The following SLC8A1 variants were observed in gnomAD, a reference collection of about 807,000 sequenced individuals.
SLC8A1 encodes sodium/calcium exchanger 1.
In SLC8A1, 18 loss-of-function variants were observed where a neutral mutation model predicts 68.3. The ratio of observed to expected loss-of-function variants is 0.26; its 90% CI spans 0.18 to 0.39. The LOEUF is 0.39. Ranked by LOEUF, SLC8A1 falls within the 10% of genes least tolerant of loss-of-function variation. The pLI, the probability that SLC8A1 is intolerant of heterozygous loss-of-function variation, is 1.00. For missense variants in SLC8A1, 985 were observed against 1,156.7 expected (o/e 0.85, Z 2.15); for synonymous variants, 475 against 415.5 (o/e 1.14, Z -1.74).
intron 2 of SLC8A1, among the ~76,000 whole-genome samples, chr2:40,371,152 C>T (rs191397054): frequency 1.3e-5 from 2 of 152,154 alleles, no homozygotes; most frequent in East Asian, 3.9e-4. Flanking sequence ...CCTGGCCCAG[C>T]CCCTGGAATG....
chr2:40,393,196 C>T (rs1685866432), intron 2 of SLC8A1, among the ~76,000 whole-genome samples: 1 of 150,544 alleles, frequency 6.6e-6, no homozygotes, highest in African/African-American at 2.5e-5. Flanking sequence ...TTAGCATCAC[C>T]TCTATTTTTT....
At chr2:40,470,538 T>G (rs1020942821) in intron 1 of SLC8A1, among the ~76,000 whole-genome samples, 1 of 151,974 alleles carries the variant, frequency 6.6e-6, no homozygotes, top group Non-Finnish European at 1.5e-5. Flanking sequence ...GAAGTATTGA[T>G]TAATATAGAC....
intron 7 of SLC8A1, among the ~76,000 whole-genome samples, chr2:40,122,637 G>T (rs564965445): frequency 6.6e-6 from 1 of 152,102 alleles, no homozygotes; most frequent in African/African-American, 2.4e-5. Context: ...TGTGGCTGGA[G>T]CATTGGTATT....
At chr2:40,122,471 G>A (rs1408203289) in intron 7 of SLC8A1, among the ~76,000 whole-genome samples, 2 of 152,148 alleles carry the variant, frequency 1.3e-5, no homozygotes, top group Non-Finnish European at 2.9e-5. Flanking sequence ...AGGAAGCAGC[G>A]ATAAGTAAAA....
At chr2:40,366,181 A>G (rs1216768006) in intron 2 of SLC8A1, among the ~76,000 whole-genome samples, 1 of 152,026 alleles carries the variant, frequency 6.6e-6, no homozygotes, top group Non-Finnish European at 1.5e-5. Flanking sequence ...GGCACTGTCA[A>G]ATGGGCTAAT....
intron 2 of SLC8A1, among the ~76,000 whole-genome samples, chr2:40,333,224 G>A (rs558839113): frequency 1.8e-4 from 27 of 152,210 alleles, no homozygotes; most frequent in African/African-American, 6.5e-4. Context: ...GGATCACGAC[G>A]TCAGGAGATC....
At chr2:40,272,464 C>T (rs1203458939) in intron 2 of SLC8A1, among the ~76,000 whole-genome samples, 1 of 152,168 alleles carries the variant, frequency 6.6e-6, no homozygotes, top group East Asian at 1.9e-4. Context: ...GATGAAAGCC[C>T]CTTAGAGTAA....
intron 1 of SLC8A1, among the ~76,000 whole-genome samples, chr2:40,436,177 T>TC (rs1484461667): frequency 6.6e-6 from 1 of 152,124 alleles, no homozygotes; most frequent in Non-Finnish European, 1.5e-5. Flanking sequence ...TTCATTTCTT[T>TC]TTTTTCATTG....
At chr2:40,244,544 G>A (rs1392350569) in intron 2 of SLC8A1, among the ~76,000 whole-genome samples, 1 of 136,954 alleles carries the variant, frequency 7.3e-6, no homozygotes, top group African/African-American at 2.8e-5. Flanking sequence ...GTAGGCAAGT[G>A]GTGTGCATGA....
intron 2 of SLC8A1, among the ~76,000 whole-genome samples, chr2:40,235,495 T>C (rs2060244056): frequency 6.6e-6 from 1 of 152,176 alleles, no homozygotes; most frequent in African/African-American, 2.4e-5. Context: ...TCTCTTTTTT[T>C]CTTTATTAGT....
chr2:40,261,183 G>A (rs753471001), intron 2 of SLC8A1, among the ~76,000 whole-genome samples: 6 of 152,278 alleles, frequency 3.9e-5, no homozygotes, highest in East Asian at 1.9e-4. Flanking sequence ...AGTCTGGGGC[G>A]TGCTTGCTGG....
At chr2:40,165,500 T>C (rs1282406386) in intron 4 of SLC8A1, among the ~76,000 whole-genome samples, 3 of 152,174 alleles carry the variant, frequency 2.0e-5, no homozygotes, top group South Asian at 2.1e-4. Flanking sequence ...CTTTAGCCTC[T>C]CTCTTGCCAA....
chr2:40,295,437 A>T (rs1325043598), intron 2 of SLC8A1, among the ~76,000 whole-genome samples: 6 of 152,180 alleles, frequency 3.9e-5, no homozygotes, highest in Non-Finnish European at 8.8e-5. Flanking sequence ...AAATCATAAT[A>T]AAAGTTATAA....
intron 2 of SLC8A1, among the ~76,000 whole-genome samples, chr2:40,382,037 T>A (rs1373554527): frequency 6.6e-6 from 1 of 152,114 alleles, no homozygotes; most frequent in Non-Finnish European, 1.5e-5. Flanking sequence ...ATAATCATTG[T>A]TTCAGTGATT....
chr2:40,200,793 T>C (rs1285713583), intron 2 of SLC8A1, among the ~76,000 whole-genome samples: 2 of 151,926 alleles, frequency 1.3e-5, no homozygotes, highest in Non-Finnish European at 2.9e-5. Flanking sequence ...ACTTTGTCCT[T>C]AATTGACTTC....
At chr2:40,451,563 T>C (rs1277763866) in intron 1 of SLC8A1, among the ~76,000 whole-genome samples, 2 of 152,114 alleles carry the variant, frequency 1.3e-5, no homozygotes, top group East Asian at 3.9e-4. Context: ...CCCTGAATCC[T>C]CAGAGCCCAG....
At chr2:40,418,100 C>T (rs748328266) in intron 2 of SLC8A1, among the ~76,000 whole-genome samples, 6 of 152,084 alleles carry the variant, frequency 3.9e-5, no homozygotes, top group Non-Finnish European at 7.4e-5. Flanking sequence ...TGTTCCTTCC[C>T]TAAAATAATT....
At chr2:40,237,825 A>T (rs2060607469) in intron 2 of SLC8A1, among the ~76,000 whole-genome samples, 1 of 152,126 alleles carries the variant, frequency 6.6e-6, no homozygotes, top group Non-Finnish European at 1.5e-5. Flanking sequence ...CTTCTAACAG[A>T]CAGGACCCTC....
At chr2:40,307,723 T>C (rs1005785873) in intron 2 of SLC8A1, among the ~76,000 whole-genome samples, 3 of 152,154 alleles carry the variant, frequency 2.0e-5, no homozygotes, top group African/African-American at 7.2e-5. Flanking sequence ...ACACACTTTG[T>C]TCACAGACAG....
Sources: gnomAD v4.1 joint callset for allele counts (sites outside exome capture counted in the v4.1 genomes callset) on GRCh38, gnomAD v4.1.1 for gene constraint, MANE v1.5 for transcripts, NCBI Gene and HGNC (gene_info 2026-07-23, HGNC 2026-07-21) for gene names.